VWA2: variants seen among roughly 807,000 people sequenced by gnomAD.
The protein encoded by VWA2 is von Willebrand factor A domain-containing protein 2.
Under a neutral mutation model 70.4 loss-of-function variants are expected in VWA2, and 73 were observed. The ratio of observed to expected loss-of-function variants is 1.04; its 90% CI spans 0.86 to 1.26. The LOEUF is 1.26. VWA2 is among the 50% of genes most tolerant of loss of function. The pLI is 0.00. For synonymous variants in VWA2, 407 were observed against 423.3 expected (o/e 0.96, Z 0.47); for missense variants, 1,011 against 998.5 (o/e 1.01, Z -0.17).
intron 1 of VWA2, among the ~76,000 whole-genome samples, chr10:114,247,499 G>A (rs908214627): frequency 9.9e-5 from 15 of 152,162 alleles, no homozygotes; most frequent in African/African-American, 2.4e-4. Flanking sequence ...CTGTTTCACC[G>A]TGTTGGCCAG....
At chr10:114,260,188 G>A (rs1003932253) in intron 4 of VWA2, among the ~76,000 whole-genome samples, 7 of 152,282 alleles carry the variant, frequency 4.6e-5, no homozygotes, top group East Asian at 1.9e-4. Context: ...TTGGGCCCTC[G>A]GGAGGAAAGC....
intron 1 of VWA2, among the ~76,000 whole-genome samples, chr10:114,242,572 T>TGGTGCCTCTGTGTACC (rs2036992418): frequency 1.3e-5 from 2 of 151,704 alleles, no homozygotes; most frequent in Non-Finnish European, 2.9e-5. Context: ...CTCTGCGTAC[T>TGGTGCCTCTGTGTACC]GGTGCCTCTG....
At chr10:114,250,488 C>T (rs990277774) in intron 2 of VWA2, among the ~76,000 whole-genome samples, 1 of 152,192 alleles carries the variant, frequency 6.6e-6, no homozygotes, top group African/African-American at 2.4e-5. Context: ...TCGGGGTCCC[C>T]TTCTGTAAAG....
At chr10:114,252,334 A>G (rs1349738642) in intron 2 of VWA2, among the ~76,000 whole-genome samples, 1 of 152,050 alleles carries the variant, frequency 6.6e-6, no homozygotes, top group Admixed American at 6.5e-5. Context: ...TAGAATCTCC[A>G]TGAGTAGAGA....
At chr10:114,256,552 C>T (rs562678315) in intron 4 of VWA2, among the ~76,000 whole-genome samples, 4 of 152,258 alleles carry the variant, frequency 2.6e-5, no homozygotes, top group Admixed American at 2.6e-4. Context: ...GAGGCAGACT[C>T]ATCAATACAG....
At chr10:114,250,844 CTT>C (rs2037181351) in intron 2 of VWA2, among the ~76,000 whole-genome samples, 1 of 152,250 alleles carries the variant, frequency 6.6e-6, no homozygotes, top group East Asian at 1.9e-4. Context: ...TCTGTTCCAG[CTT>C]GTCATGGACC....
rs1239402902 is a variant in VWA2 at position 114,239,513 on chromosome 10, C to T, written c.-67C>T. The stretch of plus-strand genomic sequence containing the variant: ...TAGCGCCCCCTGGCCCGAGCCGCGC[C>T]CGGGTCTGTGAGTAGAGCCGCCCGG... On this transcript the variant is annotated 5_prime_UTR_variant, in exon 1 of 14. Transcript: ENST00000392982. 6.6e-6 allele frequency: 1 copy of T among 152,316 alleles called. No homozygotes were observed. The highest frequency in any genetic ancestry group is 1.5e-5 in the Non-Finnish European group (1 of 68,134). The allele number at this position is 152,316 out of a possible 1,614,324, so 9.4% of individuals were successfully genotyped here.
At chr10:114,251,438 G>T (rs1455886518) in intron 2 of VWA2, among the ~76,000 whole-genome samples, 3 of 152,272 alleles carry the variant, frequency 2.0e-5, no homozygotes, top group African/African-American at 7.2e-5. Context: ...TGAGTGGTCT[G>T]TGCTCACAGA....
intron 5 of VWA2, among the ~76,000 whole-genome samples, chr10:114,271,447 T>A (rs1469010118): frequency 6.6e-6 from 1 of 152,200 alleles, no homozygotes; most frequent in African/African-American, 2.4e-5. Context: ...TCATGCTCTT[T>A]CCTTGTCTTC....
rs1222776167 is a variant in VWA2, at chr10:114,291,269, C to G, written c.*32C>G. 3.9e-6 allele frequency: 6 copies of G among 1,544,858 alleles called. 1 individual carries two copies. The South Asian group carries it at 7.2e-5, about 19-fold the overall frequency. ...TGGCTCCCGTGCAGGAGGGCAGCAGCCGTACCCCTCCCAGCAACTACAGAG... is the reference window on the plus strand; with the variant it reads ...TGGCTCCCGTGCAGGAGGGCAGCAGGCGTACCCCTCCCAGCAACTACAGAG... On this transcript the variant is annotated 3_prime_UTR_variant, in exon 14 of 14. Transcript: ENST00000392982.
At chr10:114,244,278 G>A (rs2037024683) in intron 1 of VWA2, among the ~76,000 whole-genome samples, 1 of 152,188 alleles carries the variant, frequency 6.6e-6, no homozygotes, top group Non-Finnish European at 1.5e-5. Context: ...CTAGTTCATA[G>A]CCTGTTTTCT....
intron 11 of VWA2, 78 bp from the exon 12 acceptor site, chr10:114,288,860 A>G (rs1589836179): frequency 1.3e-6 from 2 of 1,511,048 alleles, no homozygotes; most frequent in East Asian, 2.3e-5. Flanking sequence ...GTCCTACCCA[A>G]CCTGGCAGTC....
chr10:114,251,376 A>C (rs1044278568), intron 2 of VWA2, among the ~76,000 whole-genome samples: 2 of 152,238 alleles, frequency 1.3e-5, no homozygotes, highest in African/African-American at 2.4e-5. Flanking sequence ...CTGCCATGAC[A>C]GCTGAGCACA....
At chr10:114,256,724 C>T (rs901506207) in intron 4 of VWA2, among the ~76,000 whole-genome samples, 2 of 151,974 alleles carry the variant, frequency 1.3e-5, no homozygotes, top group Non-Finnish European at 2.9e-5. Flanking sequence ...TCCTGGCTAA[C>T]ATGATGAAAC....
At chr10:114,261,865 G>A (rs547464074) in intron 5 of VWA2, among the ~76,000 whole-genome samples, 44 of 152,238 alleles carry the variant, frequency 2.9e-4, no homozygotes, top group Non-Finnish European at 5.6e-4. Flanking sequence ...TCATGGTTGC[G>A]CAGGCTGTAC....
intron 5 of VWA2, among the ~76,000 whole-genome samples, chr10:114,265,400 G>A (rs1164557126): frequency 2.0e-5 from 3 of 152,186 alleles, no homozygotes; most frequent in Non-Finnish European, 4.4e-5. Context: ...CTCTGCTCTT[G>A]TCTGAAAAAC....
Position 114,284,907 on chromosome 10 carries a change from CCAGAA to C in VWA2, c.935_939del (p.Pro312ArgfsTer18), listed in dbSNP as rs1275634684. On this transcript the variant is annotated frameshift_variant, in exon 10 of 14. Coordinates refer to ENST00000392982, the MANE Select transcript of VWA2 (RefSeq NM_001272046.2). LOFTEE classifies it high-confidence loss of function. The stretch of plus-strand genomic sequence containing the variant: ...CTGCCAGAATGGAGGCACATGTGTT[CCAGAA>C]GGACTGGACGGCTACCAGTGCCTCT... 13 of 1,606,218 alleles carry C rather than the reference CCAGAA, an allele frequency of 8.1e-6. No homozygotes were observed. The highest frequency in any genetic ancestry group is 1.1e-5 in the Non-Finnish European group (13 of 1,177,538).
chr10:114,285,233 T>C (rs1418300171), intron 10 of VWA2, among the ~76,000 whole-genome samples: 5 of 152,194 alleles, frequency 3.3e-5, no homozygotes, highest in Non-Finnish European at 7.3e-5. Context: ...GTTTGAGTGC[T>C]GCCCAGCCCA....
intron 5 of VWA2, among the ~76,000 whole-genome samples, chr10:114,268,955 A>G (rs2133352307): frequency 6.6e-6 from 1 of 151,970 alleles, no homozygotes; most frequent in Admixed American, 6.5e-5. Flanking sequence ...TCGGCCTTCC[A>G]AAGTGCTGGG....
Sources: gnomAD v4.1 joint callset for allele counts (sites outside exome capture counted in the v4.1 genomes callset) on GRCh38, gnomAD v4.1.1 for gene constraint, MANE v1.5 for transcripts, NCBI Gene and HGNC (gene_info 2026-07-23, HGNC 2026-07-21) for gene names.